The following DAB1 variants were observed in gnomAD, a reference collection of about 807,000 sequenced individuals.
DAB1 encodes DAB adaptor protein 1, also known as disabled homolog 1.
In DAB1, 15 loss-of-function variants were observed where a neutral mutation model predicts 64.6. The observed-to-expected ratio is 0.23, with a 90% confidence interval of 0.16 to 0.36. The LOEUF is 0.36. Among genes scored for constraint, DAB1 ranks in the 10% least tolerant of loss-of-function variants. DAB1 has a pLI of 1.00. For synonymous variants in DAB1, 235 were observed against 251.9 expected, an observed-to-expected ratio of 0.93 and a Z score of 0.64; for missense variants, 596 against 706.7, an observed-to-expected ratio of 0.84 and a Z score of 1.78.
intron 6 of DAB1, among the ~76,000 whole-genome samples, chr1:57,787,667 G>T (rs1054620503): frequency 1.3e-5 from 2 of 152,010 alleles, no homozygotes; most frequent in African/African-American, 4.8e-5. Flanking sequence ...TTGATACACT[G>T]AATTTCACTA....
intron 4 of DAB1, among the ~76,000 whole-genome samples, chr1:58,314,402 C>A (rs1196903953): frequency 6.6e-6 from 1 of 152,126 alleles, no homozygotes; most frequent in East Asian, 1.9e-4. Flanking sequence ...TAGGTACTGG[C>A]CCCATCTAAT....
At chr1:58,182,793 C>T (rs1656868821) in intron 4 of DAB1, among the ~76,000 whole-genome samples, 1 of 151,944 alleles carries the variant, frequency 6.6e-6, no homozygotes, top group South Asian at 2.1e-4. Context: ...CAAATCTGTA[C>T]CCGTCAAATA....
chr1:57,697,692 C>T lies in DAB1; in HGVS notation n.552-48027G>A, dbSNP rs1646861161. 2.6e-5 allele frequency among the ~76,000 whole-genome samples: 4 copies of T among 152,068 alleles called. No individual in the cohort carries two copies. The South Asian group carries it at 8.3e-4, about 32-fold the overall frequency. ...AGTTTTCACAGGCTCAACAAACATA[C>T]CCTGGGAATGATTACTTTCCAGTTT... On this transcript the variant is annotated intron_variant and non_coding_transcript_variant, in intron 6 of 20. Coordinates refer to the DAB1 transcript ENST00000485760.
At chr1:58,445,874 C>T (rs573259215) in intron 3 of DAB1, among the ~76,000 whole-genome samples, 1 of 152,180 alleles carries the variant, frequency 6.6e-6, no homozygotes, top group Non-Finnish European at 1.5e-5. Flanking sequence ...GCTCAGGGAG[C>T]TGAAGCAACC....
chr1:57,918,032 C>T (rs1417065148), intron 5 of DAB1, among the ~76,000 whole-genome samples: 1 of 151,524 alleles, frequency 6.6e-6, no homozygotes, highest in Non-Finnish European at 1.5e-5. Context: ...TGCACCACTG[C>T]ACTCCAGCCG....
intron 5 of DAB1, chr1:58,074,285 A>C (rs1333823951): frequency 1.3e-5 from 2 of 151,984 alleles, no homozygotes; most frequent in Non-Finnish European, 2.9e-5. Flanking sequence ...ACCTACTGAC[A>C]GTTTTAGAGC....
intron 6 of DAB1, among the ~76,000 whole-genome samples, chr1:57,658,742 A>T (rs772468538): frequency 6.6e-6 from 1 of 151,740 alleles, no homozygotes; most frequent in African/African-American, 2.4e-5. Flanking sequence ...TTCTTTCTGT[A>T]TTTTTTTAGT....
At chr1:58,486,669 G>C (rs1187054775) in intron 3 of DAB1, among the ~76,000 whole-genome samples, 2 of 152,186 alleles carry the variant, frequency 1.3e-5, no homozygotes, top group Non-Finnish European at 2.9e-5. Context: ...AGTACATGAA[G>C]AAACTAAAGA....
chr1:57,412,824 A>T (rs1461503936), intron 1 of DAB1, among the ~76,000 whole-genome samples: 3 of 152,250 alleles, frequency 2.0e-5, no homozygotes, highest in African/African-American at 7.2e-5. Context: ...TAGAAGCTAC[A>T]ACAAGTTATC....
intron 6 of DAB1, among the ~76,000 whole-genome samples, chr1:57,789,006 G>A (rs765472639): frequency 8.6e-5 from 13 of 151,936 alleles, no homozygotes; most frequent in Non-Finnish European, 1.6e-4. Context: ...CCCACCCTTC[G>A]CTTAAACAAA....
intron 3 of DAB1, among the ~76,000 whole-genome samples, chr1:58,357,020 T>C (rs1213399601): frequency 1.8e-5 from 2 of 113,606 alleles, no homozygotes; most frequent in African/African-American, 3.0e-5. Flanking sequence ...AACAAGACCC[T>C]GTCTCCAAAA....
At chr1:58,431,558 GAAAA>G (rs66832530) in intron 3 of DAB1, among the ~76,000 whole-genome samples, 10 of 76,278 alleles carry the variant, frequency 1.3e-4, no homozygotes, top group Admixed American at 5.0e-4. Flanking sequence ...ACTCCATCTG[GAAAA>G]AAAAAAAAAA....
chr1:57,995,937 T>G (rs1416988411), intron 5 of DAB1, among the ~76,000 whole-genome samples: 2 of 152,110 alleles, frequency 1.3e-5, no homozygotes, highest in African/African-American at 4.8e-5. Flanking sequence ...GTCATTGAGC[T>G]TCTTTGCACC....
chr1:58,386,571 A>G (rs1444784856), intron 3 of DAB1, among the ~76,000 whole-genome samples: 3 of 152,240 alleles, frequency 2.0e-5, no homozygotes, highest in African/African-American at 7.2e-5. Flanking sequence ...TGGGTCTCCA[A>G]ATACTGAACT....
chr1:57,756,982 C>T (rs917021400), intron 6 of DAB1, among the ~76,000 whole-genome samples: 1 of 152,042 alleles, frequency 6.6e-6, no homozygotes, highest in Non-Finnish European at 1.5e-5. Context: ...GTTGCAATAG[C>T]ACACAAAAGA....
intron 1 of DAB1, among the ~76,000 whole-genome samples, chr1:57,883,825 G>A (rs535191257): frequency 1.3e-5 from 2 of 152,194 alleles, no homozygotes; most frequent in Non-Finnish European, 2.9e-5. Flanking sequence ...GAATAAGTCA[G>A]TGATTAAACA....
chr1:57,905,722 T>C (rs1011867388), intron 5 of DAB1, among the ~76,000 whole-genome samples: 5 of 151,952 alleles, frequency 3.3e-5, no homozygotes, highest in Non-Finnish European at 7.4e-5. Context: ...AGATTCAGTA[T>C]TAACACTGGG....
In DAB1 at chr1:57,907,330, G is replaced by A. The variant is rs79032518; in HGVS notation, n.388-23168C>T. Among the ~76,000 whole-genome samples the A allele has an allele frequency of 3.5e-3, 533 of 152,278 alleles. 1 individual carries two copies. Among genetic ancestry groups the A allele is most frequent in the South Asian group, 6.0e-3 (29 of 4,830 alleles). ...CATCTTTCTCACATGCCAAAAAGGC[G>A]GGAGAGGGATGGTAAAGAGAGAACT... On this transcript the variant is annotated intron_variant and non_coding_transcript_variant, in intron 5 of 20. Coordinates refer to the DAB1 transcript ENST00000485760.
At chr1:57,103,143 G>T (rs142041494) in intron 4 of DAB1, among the ~76,000 whole-genome samples, 1 of 152,180 alleles carries the variant, frequency 6.6e-6, no homozygotes, top group Non-Finnish European at 1.5e-5. Context: ...ACATTATCTA[G>T]TAAATGAGAT....
Sources: allele counts gnomAD v4.1 joint callset (sites outside exome capture counted in the v4.1 genomes callset), GRCh38; gene constraint gnomAD v4.1.1; transcripts MANE v1.5; gene names NCBI Gene and HGNC (gene_info 2026-07-23, HGNC 2026-07-21).